Variants in BCR observed in about 807,000 individuals in gnomAD.
The protein encoded by BCR is breakpoint cluster region protein.
In BCR, 58 loss-of-function variants were observed where a neutral mutation model predicts 138.6. The ratio of observed to expected loss-of-function variants is 0.42; its 90% confidence interval spans 0.34 to 0.52. The LOEUF (loss-of-function observed/expected upper bound fraction) is 0.52, where lower values mean the gene tolerates loss of function less well. Among genes scored for constraint, BCR ranks in the 20% least tolerant of loss-of-function variants. BCR has a pLI of 0.06. For synonymous variants in BCR, 786 were observed against 730.1 expected, an observed-to-expected ratio of 1.08 and a Z score of -1.23; for missense variants, 1,599 against 1,727.2, an observed-to-expected ratio of 0.93 and a Z score of 1.32.
chr22:23,240,142 T>G (rs1416948576), intron 1 of BCR, among the ~76,000 whole-genome samples: 1 of 152,086 alleles, frequency 6.6e-6, no homozygotes, highest in African/African-American at 2.4e-5. Flanking sequence ...CACATTGGAT[T>G]AGGACCTAAC....
intron 1 of BCR, among the ~76,000 whole-genome samples, chr22:23,222,293 G>A (rs1035667038): frequency 2.0e-5 from 3 of 152,176 alleles, no homozygotes; most frequent in African/African-American, 4.8e-5. Flanking sequence ...CCTGCCTGGC[G>A]CGTCTTGGGC....
intron 1 of BCR, among the ~76,000 whole-genome samples, chr22:23,247,796 A>G (rs371926467): frequency 2.6e-5 from 4 of 152,362 alleles, no homozygotes; most frequent in African/African-American, 9.6e-5. Context: ...GGTACCTCAT[A>G]TGAGTGGAAT....
At chr22:23,227,705 A>G (rs188471228) in intron 1 of BCR, among the ~76,000 whole-genome samples, 2 of 152,352 alleles carry the variant, frequency 1.3e-5, no homozygotes, top group East Asian at 3.9e-4. Flanking sequence ...TTTAGATCAC[A>G]ATAGTACTGC....
At chr22:23,304,678 A>C (rs1449929315) in intron 16 of BCR, among the ~76,000 whole-genome samples, 1 of 152,224 alleles carries the variant, frequency 6.6e-6, no homozygotes, top group Non-Finnish European at 1.5e-5. Flanking sequence ...ACCATCTTAC[A>C]TCCCCAGTGG....
intron 1 of BCR, among the ~76,000 whole-genome samples, chr22:23,209,087 C>T (rs774466259): frequency 6.6e-6 from 1 of 151,986 alleles, no homozygotes; most frequent in Non-Finnish European, 1.5e-5. Context: ...TAGCCGGGCG[C>T]GGTGGCTCAC....
At chr22:23,217,276 A>C (rs1308642538) in intron 1 of BCR, among the ~76,000 whole-genome samples, 1 of 152,250 alleles carries the variant, frequency 6.6e-6, no homozygotes, top group East Asian at 1.9e-4. Flanking sequence ...CTCCTAGTTC[A>C]AGATTGCTGG....
intron 15 of BCR, among the ~76,000 whole-genome samples, chr22:23,294,588 TG>T (rs2073825134): frequency 6.6e-6 from 1 of 152,120 alleles, no homozygotes; most frequent in African/African-American, 2.4e-5. Flanking sequence ...TTTAGTAGGA[TG>T]GGGTTTCGCC....
At chr22:23,279,386 A>G (rs1289536768) in intron 8 of BCR, among the ~76,000 whole-genome samples, 2 of 152,188 alleles carry the variant, frequency 1.3e-5, no homozygotes, top group African/African-American at 4.8e-5. Flanking sequence ...GCTGCAGTGT[A>G]TATTGGCCTG....
chr22:23,278,659 G>A (rs903386371), intron 8 of BCR, among the ~76,000 whole-genome samples: 20 of 152,132 alleles, frequency 1.3e-4, no homozygotes, highest in African/African-American at 4.1e-4. Flanking sequence ...CCTGGGAGGC[G>A]GAGGTGGCCA....
At chr22:23,258,643 G>C (rs1389935576) in intron 2 of BCR, among the ~76,000 whole-genome samples, 1 of 152,158 alleles carries the variant, frequency 6.6e-6, no homozygotes, top group African/African-American at 2.4e-5. Context: ...GGCAGCGCCT[G>C]GAGACATTGT....
At position 23,181,210 on chromosome 22, in the gene BCR, C is replaced by T. The variant is rs750611510; in HGVS notation, c.250C>T (p.Pro84Ser). ...GGGCTTCCGGCGCGCGGCGCAGGCC[C>T]CCGACGGCGCCTCCGAGCCCCGAGC... ...RWGFRRAAQA[P>S]DGASEPRASA... is the part of the protein sequence containing the mutation. Residue 84 changes from proline (P) to serine (S), a missense_variant, in exon 1 of 23, where the codon CCC becomes TCC. By Grantham distance (74) the Pro-to-Ser change is moderately conservative. Coordinates refer to ENST00000305877, the MANE Select transcript of BCR (RefSeq NM_004327.4). 3.2e-5 allele frequency: 40 copies of T among 1,265,346 alleles called. No homozygotes were observed. The highest frequency in any genetic ancestry group is 3.9e-5 in the Non-Finnish European group (39 of 990,434). The allele number at this position is 1,265,346 out of a possible 1,614,324, so 78.4% of individuals were successfully genotyped here.
At chr22:23,258,163 C>T (rs2073316487) in intron 2 of BCR, among the ~76,000 whole-genome samples, 1 of 152,160 alleles carries the variant, frequency 6.6e-6, no homozygotes, top group African/African-American at 2.4e-5. Context: ...CATATATATA[C>T]ACACATATAC....
intron 1 of BCR, among the ~76,000 whole-genome samples, chr22:23,202,721 T>TTTTGTGTGTGTGTG: frequency 7.0e-6 from 1 of 142,864 alleles, no homozygotes; most frequent in East Asian, 2.2e-4. Context: ...ATTCAATTGT[T>TTTTGTGTGTGTGTG]TGTGTGTGTG....
intron 8 of BCR, chr22:23,283,061 C>G (rs998710684): frequency 2.0e-5 from 3 of 152,244 alleles, no homozygotes; most frequent in Admixed American, 1.3e-4. Context: ...CTGGTCCCAG[C>G]GTGGGGAAGG....
At chr22:23,243,557 C>T (rs1355284759) in intron 1 of BCR, among the ~76,000 whole-genome samples, 1 of 152,068 alleles carries the variant, frequency 6.6e-6, no homozygotes, top group Non-Finnish European at 1.5e-5. Context: ...ACCCAGCCCT[C>T]TTCCGTTTGG....
At chr22:23,273,212 T>G (rs2073530135) in intron 7 of BCR, 79 bp downstream of exon 7, 1 of 1,487,458 alleles carries the variant, frequency 6.7e-7, no homozygotes, top group East Asian at 2.4e-5. Flanking sequence ...TGAGACCTTT[T>G]TTTAGTTGTC....
Position 23,299,975 on chromosome 22 carries a change from G to A in BCR, c.3012+4820G>A, listed in dbSNP as rs116300787. On this transcript the variant is annotated intron_variant, in intron 16 of 22. Coordinates refer to ENST00000305877, the MANE Select transcript of BCR (RefSeq NM_004327.4). ...CACCATGGGCAGCCTTTTTATCTTA[G>A]CCAGAAGGCTGAGAAGTAATTCCTT... is the stretch of plus-strand genomic sequence containing the variant. 4.2e-3 allele frequency among the ~76,000 whole-genome samples: 638 copies of A among 152,252 alleles called. 2 individuals carry two copies. The highest frequency in any genetic ancestry group is 0.015 in the African/African-American group (610 of 41,550).
chr22:23,256,891 A>G (rs544355554), intron 2 of BCR, among the ~76,000 whole-genome samples: 1 of 152,016 alleles, frequency 6.6e-6, no homozygotes, highest in South Asian at 2.1e-4. Flanking sequence ...GCTTTTATTT[A>G]GCCTCAAGTT....
At position 23,273,132 on chromosome 22, in the gene BCR, A is replaced by G. The variant is rs1428235718; in HGVS notation, c.1973A>G (p.His658Arg). Residue 658 changes from histidine (H) to arginine (R), a missense_variant and splice_region_variant, in exon 7 of 23, where the codon CAT becomes CGT. This residue lies in a region of BCR where 590 missense variants were observed against 762.4 expected (regional missense o/e 0.77). Coordinates refer to ENST00000305877, the MANE Select transcript of BCR (RefSeq NM_004327.4). ...DRVTRSTLVL[H>R]DLLKHTPASH... ...GTGACGAGGAGCACGCTGGTCCTCC[A>G]TGTAAGTCACAGCGCCCCTCTGGAC... The G allele has an allele frequency of 1.9e-6, 3 of 1,613,260 alleles. No homozygotes were observed. Among genetic ancestry groups the G allele is most frequent in the South Asian group, 1.1e-5 (1 of 91,062 alleles).
Sources: allele counts gnomAD v4.1 joint callset (sites outside exome capture counted in the v4.1 genomes callset), GRCh38; gene constraint gnomAD v4.1.1; regional missense constraint gnomAD v4.1.1; transcripts MANE v1.5; gene names NCBI Gene and HGNC (gene_info 2026-07-23, HGNC 2026-07-21).